HECW1: variants seen among roughly 807,000 people sequenced by gnomAD.
HECW1 encodes HECT, C2 and WW domain containing E3 ubiquitin protein ligase 1.
A neutral mutation model predicts 182.3 loss-of-function variants in HECW1; 61 were observed. The observed-to-expected ratio is 0.33, with a 90% CI of 0.27 to 0.41. HECW1 has a LOEUF of 0.41. Ranked by LOEUF, HECW1 falls within the 10% of genes least tolerant of loss-of-function variation. HECW1 has a pLI of 1.00. For synonymous variants in HECW1, 859 were observed against 832.6 expected, an observed-to-expected ratio of 1.03 and a Z score of -0.55; for missense variants, 1,739 against 2,108.9, an observed-to-expected ratio of 0.82 and a Z score of 3.44.
At chr7:43,368,566 C>T (rs1816928137) in intron 6 of HECW1, among the ~76,000 whole-genome samples, 1 of 152,170 alleles carries the variant, frequency 6.6e-6, no homozygotes, top group South Asian at 2.1e-4. Flanking sequence ...GATTCGGCAT[C>T]CTCTCTCTAG....
chr7:43,553,713 C>CATA (rs2081927683), intron 28 of HECW1, among the ~76,000 whole-genome samples: 2 of 151,766 alleles, frequency 1.3e-5, no homozygotes, highest in Non-Finnish European at 2.9e-5. Context: ...GTTAAGGCCC[C>CATA]ATAACACCCC....
chr7:43,143,178 C>T (rs973154190), intron 2 of HECW1, among the ~76,000 whole-genome samples: 8 of 152,174 alleles, frequency 5.3e-5, no homozygotes, highest in Non-Finnish European at 8.8e-5. Flanking sequence ...ACCATGTTGG[C>T]CAGACTGGTC....
chr7:43,251,921 A>G (rs1800073728), intron 3 of HECW1, among the ~76,000 whole-genome samples: 1 of 152,116 alleles, frequency 6.6e-6, no homozygotes, highest in Non-Finnish European at 1.5e-5. Flanking sequence ...CGCAAGAGGC[A>G]GTGTCATTCA....
At chr7:43,363,611 T>C (rs970862488) in intron 6 of HECW1, among the ~76,000 whole-genome samples, 2 of 152,112 alleles carry the variant, frequency 1.3e-5, no homozygotes, top group African/African-American at 4.8e-5. Flanking sequence ...TGGGCTCCTA[T>C]TGTCATGGTG....
In HECW1 at chr7:43,461,777, G is replaced by A. The variant is rs181817606; in HGVS notation, c.2652-1883G>A. Among the ~76,000 whole-genome samples the A allele has an allele frequency of 3.5e-4, 53 of 152,276 alleles. No individual in the cohort carries two copies. The East Asian group carries it at 0.01, about 29-fold the overall frequency. ...CCCCCTTCCACATTTTGTTCTAAGA[G>A]GCCGGCTCAGGAAATGCCTTGCAGT... is the stretch of plus-strand genomic sequence containing the variant. On this transcript the variant is annotated intron_variant, in intron 13 of 29. Coordinates refer to ENST00000395891, the MANE Select transcript of HECW1 (RefSeq NM_015052.5).
rs530114875 is a variant in HECW1 at position 43,331,486 on chromosome 7, G to A, written c.460+10744G>A. On this transcript the variant is annotated intron_variant, in intron 5 of 29. Coordinates refer to ENST00000395891, the MANE Select transcript of HECW1 (RefSeq NM_015052.5). ...TGGGTGCCTATAGTCCCAGCTACTC[G>A]GGAGGCTGAGGCTGGAGAATGGCGT... 2.0e-4 allele frequency among the ~76,000 whole-genome samples: 31 copies of A among 152,034 alleles called. No individual in the cohort carries two copies. In the South Asian group the frequency reaches 3.7e-3, roughly 18 times the overall value.
chr7:43,527,925 A>C (rs1330851196), intron 24 of HECW1, among the ~76,000 whole-genome samples: 2 of 152,224 alleles, frequency 1.3e-5, no homozygotes, highest in African/African-American at 4.8e-5. Context: ...ATTCACAAAA[A>C]AGTCAACCTG....
rs1228808849 is a variant in HECW1 at position 43,164,762 on chromosome 7, G to C, written c.-32+50371G>C. Among the ~76,000 whole-genome samples, 5 of 152,322 alleles carry C rather than the reference G, an allele frequency of 3.3e-5. No individual in the cohort carries two copies. The East Asian group carries it at 9.7e-4, about 29-fold the overall frequency. ...GCCACATCCTGGGGTCAGATCTCCA[G>C]GACTGATGGTGCATGTGAGGCAAGT... is the stretch of plus-strand genomic sequence containing the variant. On this transcript the variant is annotated intron_variant, in intron 2 of 29. Transcript: ENST00000395891.
intron 2 of HECW1, among the ~76,000 whole-genome samples, chr7:43,127,224 A>G (rs1166296523): frequency 2.0e-5 from 3 of 152,176 alleles, no homozygotes; most frequent in African/African-American, 7.2e-5. Flanking sequence ...CTCCTGAATG[A>G]TAAGAAAACA....
At chr7:43,547,462 G>A (rs752711428) in intron 26 of HECW1, among the ~76,000 whole-genome samples, 69 of 152,026 alleles carry the variant, frequency 4.5e-4, no homozygotes, top group Non-Finnish European at 1.0e-4. Context: ...CAGGAGAGTC[G>A]CTTGAACCCA....
intron 2 of HECW1, among the ~76,000 whole-genome samples, chr7:43,216,935 G>A (rs112545587): frequency 5.9e-5 from 9 of 152,240 alleles, no homozygotes; most frequent in African/African-American, 1.4e-4. Flanking sequence ...GATTACAGGC[G>A]TGAGCCACCA....
intron 14 of HECW1, among the ~76,000 whole-genome samples, chr7:43,465,975 G>T (rs956804128): frequency 5.3e-5 from 7 of 131,178 alleles, no homozygotes; most frequent in African/African-American, 2.1e-4. Context: ...GAAGAAAGAA[G>T]GGAGGGAGGG....
intron 5 of HECW1, among the ~76,000 whole-genome samples, chr7:43,344,721 G>A (rs1455786699): frequency 6.6e-6 from 1 of 151,766 alleles, no homozygotes; most frequent in East Asian, 1.9e-4. Flanking sequence ...TCCTCTGCAT[G>A]CTTCTTTCTG....
intron 3 of HECW1, among the ~76,000 whole-genome samples, chr7:43,254,677 A>T (rs1800378767): frequency 6.6e-6 from 1 of 152,212 alleles, no homozygotes; most frequent in Non-Finnish European, 1.5e-5. Context: ...TAGATATGAT[A>T]TACGAAAGTG....
chr7:43,555,693 C>T (rs997368037), intron 29 of HECW1, among the ~76,000 whole-genome samples: 1 of 152,186 alleles, frequency 6.6e-6, no homozygotes, highest in Non-Finnish European at 1.5e-5. Context: ...GACAATTCAC[C>T]TGGTGTCGGT....
Position 43,348,991 on chromosome 7 carries a change from T to C in HECW1, c.461-11895T>C, listed in dbSNP as rs569101675. Among the ~76,000 whole-genome samples the C allele has an allele frequency of 3.9e-5, 6 of 152,232 alleles. No individual in the cohort carries two copies. In the South Asian group the frequency reaches 1.2e-3, roughly 32 times the overall value. On this transcript the variant is annotated intron_variant, in intron 5 of 29. Coordinates refer to ENST00000395891, the MANE Select transcript of HECW1 (RefSeq NM_015052.5). Reference sequence around the variant, plus strand: ...GAATAGAATGTGTGTTCTGTGTTTGTTGAATGAAATGTTCTTTTTTTTCTT... The same window carrying C: ...GAATAGAATGTGTGTTCTGTGTTTGCTGAATGAAATGTTCTTTTTTTTCTT...
chr7:43,346,084 T>G lies in HECW1; in HGVS notation c.461-14802T>G, dbSNP rs1156881306. 2.6e-5 allele frequency among the ~76,000 whole-genome samples: 4 copies of G among 152,210 alleles called. No homozygotes were observed. The East Asian group carries it at 7.7e-4, about 29-fold the overall frequency. ...GGAATTGCCACACTGTTTTCCATAGTGGCTGTACTAGTTTACATTCCCACC... is the reference window on the plus strand; with the variant it reads ...GGAATTGCCACACTGTTTTCCATAGGGGCTGTACTAGTTTACATTCCCACC... On this transcript the variant is annotated intron_variant, in intron 5 of 29. Transcript: ENST00000395891.
intron 3 of HECW1, among the ~76,000 whole-genome samples, chr7:43,300,440 T>A (rs1176998369): frequency 1.3e-5 from 2 of 152,266 alleles, no homozygotes; most frequent in Middle Eastern, 3.4e-3. Context: ...GAATATGAAC[T>A]GGCTTTGTCT....
At chr7:43,440,722 T>C (rs569322974) in intron 9 of HECW1, 6 of 152,372 alleles carry the variant, frequency 3.9e-5, no homozygotes, top group African/African-American at 1.2e-4. Context: ...GTCTTTGTTA[T>C]GGTCATAATA....
Sources: gnomAD v4.1 joint callset for allele counts (sites outside exome capture counted in the v4.1 genomes callset) on GRCh38, gnomAD v4.1.1 for gene constraint, MANE v1.5 for transcripts, NCBI Gene and HGNC (gene_info 2026-07-23, HGNC 2026-07-21) for gene names.